The following RFC5 variants were observed in gnomAD, a reference collection of about 807,000 sequenced individuals.
RFC5 encodes the protein A1 36 kDa subunit.
In RFC5, 26 loss-of-function variants were observed where a neutral mutation model predicts 44.3. The observed-to-expected ratio is 0.59, with a 90% confidence interval of 0.43 to 0.81. The LOEUF is 0.81. Among genes scored for constraint, RFC5 ranks in the 40% least tolerant of loss-of-function variants. RFC5 has a pLI of 0.00. For missense variants in RFC5, 328 were observed against 418.6 expected, an observed-to-expected ratio of 0.78 and a Z score of 1.89; for synonymous variants, 155 against 155.2, an observed-to-expected ratio of 1.00 and a Z score of 0.01.
At chr12:118,039,792 G>A in the RFC5 span, among the ~76,000 whole-genome samples, 1 of 151,162 alleles carries the variant, frequency 6.6e-6, no homozygotes, top group Non-Finnish European at 1.5e-5. Flanking sequence ...TGCCTAGGTG[G>A]GAGTGCAATG....
At chr12:118,021,404 G>A (rs190234605) in intron 4 of RFC5, among the ~76,000 whole-genome samples, 63 of 151,860 alleles carry the variant, frequency 4.1e-4, no homozygotes, top group African/African-American at 1.4e-3. Flanking sequence ...GTAGACATGG[G>A]GTTTTGCCAT....
At chr12:118,034,431 T>C, downstream of RFC5, 1 of 1,548,456 alleles carries the variant, frequency 6.5e-7, no homozygotes. Flanking sequence ...AATACTCATG[T>C]TTCTGTTTTG....
At chr12:118,034,893 G>A, downstream of RFC5, 1 of 1,245,778 alleles carries the variant, frequency 8.0e-7, no homozygotes, top group Non-Finnish European at 1.1e-6. Flanking sequence ...TTCCTCATAG[G>A]CAAGAAAATT....
At chr12:118,036,443 A>G (rs1391188142), downstream of RFC5, 24 of 1,614,196 alleles carry the variant, frequency 1.5e-5, no homozygotes, top group Non-Finnish European at 2.0e-5. Flanking sequence ...GTCACAAGAG[A>G]CAACACTGCT....
Position 118,032,176 on chromosome 12 carries a change from T to C in RFC5, c.*898T>C, listed in dbSNP as rs1309071823. ...GCTGACTTTGTCAAACTTGCATTTATATGAAAACCTTCTGTCTCTAATATC... is the reference window on the plus strand; with the variant it reads ...GCTGACTTTGTCAAACTTGCATTTACATGAAAACCTTCTGTCTCTAATATC... On this transcript the variant is annotated 3_prime_UTR_variant, in exon 11 of 11. Coordinates refer to ENST00000454402, the MANE Select transcript of RFC5 (RefSeq NM_007370.7). The C allele has an allele frequency of 1.3e-5, 2 of 152,266 alleles. No homozygotes were observed. Among genetic ancestry groups the C allele is most frequent in the Non-Finnish European group, 2.9e-5 (2 of 68,044 alleles). 9.4% of individuals were successfully genotyped at this position (152,266 alleles called of 1,614,324 possible).
intron 10 of RFC5, among the ~76,000 whole-genome samples, chr12:118,030,048 T>C: frequency 6.6e-6 from 1 of 152,204 alleles, no homozygotes; most frequent in East Asian, 1.9e-4. Context: ...ATATCTGAGA[T>C]GAAGGCCTCT....
intron 6 of RFC5, chr12:118,025,514 G>A (rs5745860): frequency 2.1e-6 from 1 of 467,362 alleles, no homozygotes; most frequent in Non-Finnish European, 3.8e-6. Context: ...GAGAATGCTT[G>A]TTCCTAAATT....
intron 6 of RFC5, chr12:118,025,242 G>A: frequency 4.4e-6 from 2 of 454,210 alleles, no homozygotes; most frequent in South Asian, 7.2e-5. Context: ...CTCCTCCCCT[G>A]GAAGCTGTCC....
chr12:118,035,041 T>C (rs370416239), downstream of RFC5: 2 of 1,614,062 alleles, frequency 1.2e-6, no homozygotes, highest in Non-Finnish European at 1.7e-6. Context: ...CCATTGGTCA[T>C]AGGAGCAAAT....
downstream of RFC5, chr12:118,034,583 G>GTCAGAGA (rs2137758610): frequency 5.6e-6 from 3 of 537,440 alleles, no homozygotes; most frequent in East Asian, 9.6e-5. Context: ...CGCTCTCTCT[G>GTCAGAGA]TCTCTCTCTC....
chr12:118,017,795 G>C (rs1025626558), intron 1 of RFC5: 1 of 664,610 alleles, frequency 1.5e-6, no homozygotes, highest in Non-Finnish European at 2.8e-6. Flanking sequence ...CTCAGCCTCC[G>C]AAGAACTGGG....
chr12:118,040,885 T>TA, the RFC5 span, among the ~76,000 whole-genome samples: 1 of 152,118 alleles, frequency 6.6e-6, no homozygotes, highest in African/African-American at 2.4e-5. Context: ...CTGTCTCTAC[T>TA]AAAAATACAA....
At chr12:118,040,241 T>TCC in the RFC5 span, among the ~76,000 whole-genome samples, 2 of 152,056 alleles carry the variant, frequency 1.3e-5, no homozygotes, top group Admixed American at 6.6e-5. Flanking sequence ...CTGAATAAAT[T>TCC]AAGGCATGTT....
chr12:118,040,215 C>G, the RFC5 span, among the ~76,000 whole-genome samples: 1 of 152,040 alleles, frequency 6.6e-6, no homozygotes, highest in Admixed American at 6.6e-5. Flanking sequence ...TGTCAAATCT[C>G]AGGGTGCTGG....
chr12:118,034,826 C>T (rs12319850), downstream of RFC5: 906 of 661,460 alleles, frequency 1.4e-3, 3 homozygotes, highest in African/African-American at 0.014. Context: ...AATGGGACAC[C>T]GTTATTAGCA....
At chr12:118,022,945 G>A (rs376616728) in intron 5 of RFC5, among the ~76,000 whole-genome samples, 60 of 152,258 alleles carry the variant, frequency 3.9e-4, no homozygotes, top group African/African-American at 1.4e-3. Context: ...TAAGCCCTGC[G>A]GGGACTTTTA....
downstream of RFC5, chr12:118,033,055 G>A (rs2031404622): frequency 6.6e-6 from 1 of 152,086 alleles, no homozygotes; most frequent in South Asian, 2.1e-4. Context: ...ATAAAGCACC[G>A]ATTAAGAAAG....
intron 8 of RFC5, chr12:118,027,397 G>C (rs1419838417): frequency 5.4e-6 from 1 of 185,138 alleles, no homozygotes; most frequent in East Asian, 1.6e-4. Flanking sequence ...TTGGGGCTGG[G>C]TGTGGTGGCT....
chr12:118,036,582 G>A (rs138412526), downstream of RFC5: 25,769 of 1,476,094 alleles, frequency 0.017, 342 homozygotes, highest in Middle Eastern at 0.052. Flanking sequence ...GGAGGGAAAG[G>A]TACCACCACC....
Sources: gnomAD v4.1 joint callset for allele counts (sites outside exome capture counted in the v4.1 genomes callset) on GRCh38, gnomAD v4.1.1 for gene constraint, MANE v1.5 for transcripts, NCBI Gene and HGNC (gene_info 2026-07-23, HGNC 2026-07-21) for gene names.